Variants in CACNA2D3 observed in about 807,000 individuals in gnomAD.
The protein encoded by CACNA2D3 is calcium voltage-gated channel auxiliary subunit alpha2delta 3.
Under a neutral mutation model 160.6 loss-of-function variants are expected in CACNA2D3, and 60 were observed. The observed-to-expected ratio is 0.37, with a 90% confidence interval of 0.30 to 0.46. CACNA2D3 has a LOEUF of 0.46. CACNA2D3 is among the 20% of genes least tolerant of loss of function. CACNA2D3 has a pLI of 1.00. For synonymous variants in CACNA2D3, 558 were observed against 492.9 expected (o/e 1.13, Z -1.75); for missense variants, 1,205 against 1,365.0 (o/e 0.88, Z 1.85).
In CACNA2D3 at chr3:54,363,269, G is replaced by A. The variant is rs552974574; in HGVS notation, c.322-23446G>A. On this transcript the variant is annotated intron_variant, in intron 3 of 37. Coordinates refer to ENST00000474759, the MANE Select transcript of CACNA2D3 (RefSeq NM_018398.3). The stretch of plus-strand genomic sequence containing the variant: ...GAAAGTATTATACTACAGAGTATTG[G>A]AAAACACACATACACGATCGGACAA... 2.8e-4 allele frequency among the ~76,000 whole-genome samples: 43 copies of A among 152,140 alleles called. 1 individual carries two copies. Among genetic ancestry groups the A allele is most frequent in the Admixed American group, 2.6e-3 (40 of 15,292 alleles).
chr3:54,429,501 C>T (rs1309000950), intron 4 of CACNA2D3, among the ~76,000 whole-genome samples: 5 of 152,104 alleles, frequency 3.3e-5, no homozygotes, highest in Non-Finnish European at 7.3e-5. Context: ...CGGCTAGATC[C>T]TGTTTTCACA....
rs1366559690 is a variant in CACNA2D3 at position 55,068,092 on chromosome 3, CCA to C, written c.2988-5349_2988-5348del. Among the ~76,000 whole-genome samples, 9 of 152,296 alleles carry C rather than the reference CCA, an allele frequency of 5.9e-5. No individual in the cohort carries two copies. In the South Asian group the frequency reaches 1.2e-3, roughly 21 times the overall value. ...CCCACTGATGGTGTAGCGAGGAGGA[CCA>C]CACTTGAGGGTCCTCAGTCTGGAAC... On this transcript the variant is annotated intron_variant, in intron 35 of 37. Coordinates refer to ENST00000474759, the MANE Select transcript of CACNA2D3 (RefSeq NM_018398.3).
At chr3:54,752,543 T>C in intron 11 of CACNA2D3, 56 bp from the exon 12 acceptor site, 1 of 1,202,570 alleles carries the variant, frequency 8.3e-7, no homozygotes, top group Non-Finnish European at 1.2e-6. Flanking sequence ...GCATGTGATC[T>C]GTGCAGGATG....
intron 11 of CACNA2D3, among the ~76,000 whole-genome samples, chr3:54,649,770 A>G (rs975357718): frequency 2.6e-5 from 4 of 152,208 alleles, no homozygotes; most frequent in African/African-American, 9.6e-5. Flanking sequence ...TACCATAACA[A>G]TGCAGGCTAG....
chr3:54,149,686 G>A (rs1021788429), intron 2 of CACNA2D3, among the ~76,000 whole-genome samples: 28 of 152,080 alleles, frequency 1.8e-4, no homozygotes, highest in Non-Finnish European at 8.8e-5. Context: ...AACACATGAC[G>A]AGGAGCAGCT....
At chr3:54,971,874 T>C (rs1278115188) in intron 29 of CACNA2D3, among the ~76,000 whole-genome samples, 1 of 152,160 alleles carries the variant, frequency 6.6e-6, no homozygotes, top group Non-Finnish European at 1.5e-5. Flanking sequence ...CTCAGTTTTC[T>C]CAACTATACA....
chr3:54,399,933 T>C (rs112733792), intron 4 of CACNA2D3, among the ~76,000 whole-genome samples: 14,886 of 115,106 alleles, frequency 0.13, 2,416 homozygotes, highest in South Asian at 0.2. Context: ...CTCAGACTGC[T>C]GTGCTAGCAA....
intron 4 of CACNA2D3, among the ~76,000 whole-genome samples, chr3:54,486,312 C>G (rs1701014933): frequency 6.6e-6 from 1 of 152,046 alleles, no homozygotes; most frequent in African/African-American, 2.4e-5. Context: ...CCATCACTTC[C>G]AAAGAAATGT....
At chr3:54,158,938 G>A (rs1700292402) in intron 2 of CACNA2D3, among the ~76,000 whole-genome samples, 1 of 152,152 alleles carries the variant, frequency 6.6e-6, no homozygotes, top group Admixed American at 6.5e-5. Context: ...ACTTACTTTG[G>A]CCAGTGGATT....
At chr3:54,576,556 T>C (rs551046083) in intron 8 of CACNA2D3, among the ~76,000 whole-genome samples, 1 of 152,306 alleles carries the variant, frequency 6.6e-6, no homozygotes, top group South Asian at 2.1e-4. Flanking sequence ...CATATGATGA[T>C]GTGTCCCTTG....
rs574661266 is a variant in CACNA2D3, at chr3:54,479,684, C to T, written c.382-23808C>T. ...GCTACACATTAGTCTGTGTGTCCTGCAGCCATAGAAATGTCATGACAGACA... is the reference window on the plus strand; with the variant it reads ...GCTACACATTAGTCTGTGTGTCCTGTAGCCATAGAAATGTCATGACAGACA... On this transcript the variant is annotated intron_variant, in intron 4 of 37. Coordinates refer to ENST00000474759, the MANE Select transcript of CACNA2D3 (RefSeq NM_018398.3). 5.3e-5 allele frequency among the ~76,000 whole-genome samples: 8 copies of T among 152,260 alleles called. No individual in the cohort carries two copies. In the South Asian group the frequency reaches 1.0e-3, roughly 20 times the overall value.
chr3:54,480,028 A>G (rs1700907377), intron 4 of CACNA2D3, among the ~76,000 whole-genome samples: 1 of 151,650 alleles, frequency 6.6e-6, no homozygotes, highest in African/African-American at 2.4e-5. Context: ...TCATCCCCAA[A>G]CTCCATGTGC....
intron 9 of CACNA2D3, among the ~76,000 whole-genome samples, chr3:54,583,113 T>C (rs767100625): frequency 6.6e-6 from 1 of 152,158 alleles, no homozygotes; most frequent in Admixed American, 6.5e-5. Flanking sequence ...GTTTGGCCAT[T>C]GTGTAAGTGA....
intron 14 of CACNA2D3, among the ~76,000 whole-genome samples, chr3:54,834,605 T>G (rs11130436): frequency 0.12 from 18,068 of 152,242 alleles, 1,144 homozygotes; most frequent in South Asian, 0.2. Flanking sequence ...GTTTATTATA[T>G]TGATGAATTA....
At chr3:55,027,599 C>A (rs1703590636) in intron 35 of CACNA2D3, among the ~76,000 whole-genome samples, 1 of 152,096 alleles carries the variant, frequency 6.6e-6, no homozygotes, top group Non-Finnish European at 1.5e-5. Flanking sequence ...AGGTCTAGTT[C>A]TCTAAGACAA....
chr3:54,440,730 T>C (rs1700131124), intron 4 of CACNA2D3, among the ~76,000 whole-genome samples: 1 of 152,104 alleles, frequency 6.6e-6, no homozygotes, highest in Non-Finnish European at 1.5e-5. Context: ...AGTGAGAACA[T>C]GCGGTGTTTG....
chr3:54,435,465 G>C (rs1191468662), intron 4 of CACNA2D3, among the ~76,000 whole-genome samples: 3 of 152,092 alleles, frequency 2.0e-5, no homozygotes. Flanking sequence ...AGGGCTGAGG[G>C]GAGAGCTGAA....
intron 2 of CACNA2D3, among the ~76,000 whole-genome samples, chr3:54,255,361 A>G (rs1702272859): frequency 6.6e-6 from 1 of 152,216 alleles, no homozygotes; most frequent in Non-Finnish European, 1.5e-5. Flanking sequence ...GCAACGTGGG[A>G]CCACTCTTGC....
intron 13 of CACNA2D3, among the ~76,000 whole-genome samples, chr3:54,769,339 C>A (rs1381175538): frequency 6.6e-6 from 1 of 152,106 alleles, no homozygotes; most frequent in Non-Finnish European, 1.5e-5. Flanking sequence ...TCCACGAGCA[C>A]TTGGCATTAG....
Sources: allele counts gnomAD v4.1 joint callset (sites outside exome capture counted in the v4.1 genomes callset), GRCh38; gene constraint gnomAD v4.1.1; transcripts MANE v1.5; gene names NCBI Gene and HGNC (gene_info 2026-07-23, HGNC 2026-07-21).